NR6A1: variants seen among roughly 807,000 people sequenced by gnomAD.
NR6A1 encodes nuclear receptor subfamily 6 group A member 1, also known as retinoic acid receptor-related testis-associated receptor.
NR6A1 carries 7 observed loss-of-function variants against 59.1 expected under a neutral mutation model. That is an observed-to-expected ratio of 0.12 (90% CI 0.07 to 0.22). The LOEUF is 0.22. NR6A1 is among the 10% of genes least tolerant of loss of function. NR6A1 has a pLI of 1.00. For synonymous variants in NR6A1, 243 were observed against 236.1 expected, an observed-to-expected ratio of 1.03 and a Z score of -0.27; for missense variants, 468 against 611.6, an observed-to-expected ratio of 0.77 and a Z score of 2.48.
intron 2 of NR6A1, among the ~76,000 whole-genome samples, chr9:124,555,876 T>C (rs1202327778): frequency 6.6e-6 from 1 of 152,232 alleles, no homozygotes; most frequent in Admixed American, 6.5e-5. Context: ...ATTTTCATTA[T>C]TATTACCCCA....
intron 2 of NR6A1, among the ~76,000 whole-genome samples, chr9:124,733,045 AAAGC>A (rs1181732241): frequency 1.3e-5 from 2 of 152,216 alleles, no homozygotes; most frequent in African/African-American, 4.8e-5. Context: ...GATGGAGAAC[AAAGC>A]AAGGAGACTG....
intron 2 of NR6A1, among the ~76,000 whole-genome samples, chr9:124,635,481 G>T (rs1170012392): frequency 6.6e-6 from 1 of 152,206 alleles, no homozygotes; most frequent in Non-Finnish European, 1.5e-5. Context: ...CCGCTGTGAA[G>T]AGATGCCTTC....
intron 2 of NR6A1, among the ~76,000 whole-genome samples, chr9:124,592,785 G>T (rs1258923844): frequency 6.6e-6 from 1 of 152,138 alleles, no homozygotes; most frequent in Non-Finnish European, 1.5e-5. Flanking sequence ...ACTATTTAAG[G>T]CTGTTTAGGA....
At chr9:124,580,336 C>T (rs953948371) in intron 2 of NR6A1, among the ~76,000 whole-genome samples, 1 of 152,058 alleles carries the variant, frequency 6.6e-6, no homozygotes. Context: ...GATAAAATTA[C>T]AGTAATAGGG....
chr9:124,691,047 GT>G (rs1838526651), intron 2 of NR6A1, among the ~76,000 whole-genome samples: 2 of 152,064 alleles, frequency 1.3e-5, no homozygotes, highest in Admixed American at 1.3e-4. Flanking sequence ...TTTTTTTAAA[GT>G]CTAAATATTT....
intron 3 of NR6A1, among the ~76,000 whole-genome samples, chr9:124,550,526 G>C (rs1833746821): frequency 6.6e-6 from 1 of 150,850 alleles, no homozygotes; most frequent in African/African-American, 2.4e-5. Flanking sequence ...GCTAATTTTT[G>C]TATTTTTTTT....
At chr9:124,666,890 C>T (rs76501734) in intron 2 of NR6A1, among the ~76,000 whole-genome samples, 2,670 of 152,012 alleles carry the variant, frequency 0.018, 82 homozygotes, top group African/African-American at 0.061. Flanking sequence ...CCTTCCCTGG[C>T]GGGGGCGGGG....
chr9:124,559,061 A>G (rs1834006778), intron 2 of NR6A1, among the ~76,000 whole-genome samples: 1 of 152,196 alleles, frequency 6.6e-6, no homozygotes. Flanking sequence ...TAAGGCAAAA[A>G]ACAGTCAATG....
chr9:124,525,397 C>T (rs1832905761), intron 8 of NR6A1, among the ~76,000 whole-genome samples: 2 of 151,838 alleles, frequency 1.3e-5, no homozygotes, highest in Admixed American at 1.3e-4. Context: ...TAGGGTCTCA[C>T]TCTGTCACCT....
At chr9:124,766,218 T>C (rs1840930100) in intron 1 of NR6A1, among the ~76,000 whole-genome samples, 1 of 152,236 alleles carries the variant, frequency 6.6e-6, no homozygotes. Flanking sequence ...ACCCTAGTTA[T>C]CGAAGGCATC....
rs1040342918 is a variant in NR6A1 at position 124,720,581 on chromosome 9, C to G, written c.142+12727G>C. Among the ~76,000 whole-genome samples, 5 of 152,266 alleles carry G rather than the reference C, an allele frequency of 3.3e-5. No homozygotes were observed. The South Asian group carries it at 1.0e-3, about 32-fold the overall frequency. On this transcript the variant is annotated intron_variant, in intron 2 of 9. Coordinates refer to ENST00000487099, the MANE Select transcript of NR6A1 (RefSeq NM_033334.4). ...TTTTGGTTCACAATGACTGTCGGCT[C>G]TCTTCAAAGAGAGAGGCTTATCTTT...
intron 2 of NR6A1, among the ~76,000 whole-genome samples, chr9:124,610,749 A>G (rs1218010435): frequency 1.3e-5 from 2 of 152,108 alleles, no homozygotes; most frequent in African/African-American, 4.8e-5. Flanking sequence ...TTTGGTTGGA[A>G]GGCTATTTAT....
intron 3 of NR6A1, among the ~76,000 whole-genome samples, chr9:124,548,147 G>A (rs1833656307): frequency 7.7e-6 from 1 of 129,622 alleles, no homozygotes; most frequent in Admixed American, 8.6e-5. Context: ...GCAAGGGGGA[G>A]GGGGGAGGGA....
At chr9:124,703,008 C>T (rs1474293597) in intron 2 of NR6A1, among the ~76,000 whole-genome samples, 1 of 151,676 alleles carries the variant, frequency 6.6e-6, no homozygotes, top group Non-Finnish European at 1.5e-5. Flanking sequence ...AAGCGATTCT[C>T]CTGCCTCAGC....
In NR6A1 at chr9:124,720,040, C is replaced by G. The variant is rs539237254; in HGVS notation, c.142+13268G>C. On this transcript the variant is annotated intron_variant, in intron 2 of 9. Transcript: ENST00000487099. ...GCCAGAAATCCAAAGTTTTTTGAAA[C>G]TCTTGAACGTTTTTGGGTTTTTTTG... 5.9e-4 allele frequency among the ~76,000 whole-genome samples: 90 copies of G among 152,186 alleles called. 1 individual carries two copies. In the South Asian group the frequency reaches 0.018, roughly 30 times the overall value.
At chr9:124,667,036 C>T (rs1294659834) in intron 2 of NR6A1, among the ~76,000 whole-genome samples, 2 of 151,540 alleles carry the variant, frequency 1.3e-5, no homozygotes, top group African/African-American at 4.9e-5. Flanking sequence ...ATTATCCACC[C>T]TACTTTTTTT....
At chr9:124,652,793 T>A (rs1174971256) in intron 2 of NR6A1, among the ~76,000 whole-genome samples, 1 of 152,138 alleles carries the variant, frequency 6.6e-6, no homozygotes, top group Non-Finnish European at 1.5e-5. Context: ...GCTATTACTT[T>A]AAAAAGCCAA....
At chr9:124,763,356 T>C (rs1840834150) in intron 1 of NR6A1, among the ~76,000 whole-genome samples, 1 of 152,256 alleles carries the variant, frequency 6.6e-6, no homozygotes. Context: ...TTACTCACTA[T>C]TGTTTCTGCA....
intron 2 of NR6A1, chr9:124,698,497 C>G (rs566980411): frequency 1.3e-5 from 2 of 152,284 alleles, no homozygotes; most frequent in South Asian, 4.1e-4. Context: ...AGAACGAACA[C>G]AATGAAGGAA....
Sources: allele counts gnomAD v4.1 joint callset (sites outside exome capture counted in the v4.1 genomes callset), GRCh38; gene constraint gnomAD v4.1.1; transcripts MANE v1.5; gene names NCBI Gene and HGNC (gene_info 2026-07-23, HGNC 2026-07-21).